GET1: variants seen among roughly 807,000 people sequenced by gnomAD.
GET1 encodes guided entry of tail-anchored proteins factor 1, also known as congenital heart disease 5 protein.
In GET1, 20 loss-of-function variants were observed where a neutral mutation model predicts 22.6. That is an observed-to-expected ratio of 0.89 (90% CI 0.62 to 1.29). The LOEUF (loss-of-function observed/expected upper bound fraction) is 1.29, where lower values mean the gene tolerates loss of function less well. GET1 is among the 50% of genes most tolerant of loss of function. The pLI is 0.00. For missense variants in GET1, 209 were observed against 219.9 expected (o/e 0.95, Z 0.31); for synonymous variants, 92 against 83.8 (o/e 1.10, Z -0.53).
chr21:39,404,125 T>C (rs2038925440), intron 4 of GET1, among the ~76,000 whole-genome samples: 1 of 152,222 alleles, frequency 6.6e-6, no homozygotes, highest in South Asian at 2.1e-4. Flanking sequence ...GTCTAGATTA[T>C]AAACAAGTTG....
chr21:39,411,979 C>T (rs1308946640), intron 1 of GET1, among the ~76,000 whole-genome samples: 1 of 152,176 alleles, frequency 6.6e-6, no homozygotes, highest in African/African-American at 2.4e-5. Context: ...AGTACTAGCT[C>T]TTTAAACAAA....
chr21:39,383,355 C>A (rs762375106), intron 1 of GET1, among the ~76,000 whole-genome samples: 62 of 151,970 alleles, frequency 4.1e-4, no homozygotes, highest in Non-Finnish European at 7.8e-4. Context: ...AATCTCAGCT[C>A]ACTGCAACCT....
intron 1 of GET1, chr21:39,421,469 A>T (rs2073760923): frequency 6.6e-6 from 1 of 152,274 alleles, no homozygotes; most frequent in South Asian, 2.1e-4. Context: ...ACTGAATGTT[A>T]TAAAAGGGAC....
intron 1 of GET1, among the ~76,000 whole-genome samples, chr21:39,412,139 T>C (rs766377993): frequency 2.6e-5 from 4 of 152,214 alleles, no homozygotes; most frequent in African/African-American, 4.8e-5. Context: ...ATGTTGTGAT[T>C]TCATTTAAAT....
At chr21:39,393,970 A>G (rs188215282) in intron 4 of GET1, among the ~76,000 whole-genome samples, 1 of 152,278 alleles carries the variant, frequency 6.6e-6, no homozygotes, top group East Asian at 1.9e-4. Flanking sequence ...ATTTTTGAAG[A>G]TAAATTTTTT....
At chr21:39,420,587 A>T in intron 1 of GET1, 1 of 695,180 alleles carries the variant, frequency 1.4e-6, no homozygotes, top group Non-Finnish European at 2.3e-6. Flanking sequence ...TACAAAGGGT[A>T]GAGGAGCCTT....
At chr21:39,410,999 A>G (rs540717430), downstream of GET1, 2 of 463,672 alleles carry the variant, frequency 4.3e-6, no homozygotes, top group African/African-American at 4.0e-5. Flanking sequence ...GGGGGAAAGC[A>G]GTGCACGTGC....
chr21:39,419,617 A>T (rs772819290), intron 1 of GET1, among the ~76,000 whole-genome samples: 2 of 152,258 alleles, frequency 1.3e-5, no homozygotes, highest in Non-Finnish European at 1.5e-5. Flanking sequence ...CCATAGTGAT[A>T]CTTTTACGAC....
At chr21:39,406,157 T>TAA (rs1272939641) in exon 5 of GET1, 1 of 1,614,262 alleles carries the variant, frequency 6.2e-7, no homozygotes, top group Non-Finnish European at 8.5e-7. Context: ...CTGGAAGACT[T>TAA]ACCAAATGAG....
intron 1 of GET1, among the ~76,000 whole-genome samples, chr21:39,383,516 C>T (rs1055767367): frequency 2.7e-5 from 4 of 146,988 alleles, no homozygotes; most frequent in Admixed American, 6.8e-5. Flanking sequence ...TCCTGATCTC[C>T]GGTGATCTGC....
chr21:39,426,233 T>C (rs146996294), intron 1 of GET1, among the ~76,000 whole-genome samples: 1 of 152,248 alleles, frequency 6.6e-6, no homozygotes, highest in Non-Finnish European at 1.5e-5. Flanking sequence ...CCACTTGCAT[T>C]TGAGGGGTAT....
downstream of GET1, among the ~76,000 whole-genome samples, chr21:39,401,415 T>C (rs974455258): frequency 6.6e-6 from 1 of 152,214 alleles, no homozygotes; most frequent in African/African-American, 2.4e-5. Flanking sequence ...ATTTAAAATA[T>C]GTAAATTTTA....
chr21:39,401,808 A>G (rs1282416089), downstream of GET1, among the ~76,000 whole-genome samples: 1 of 152,082 alleles, frequency 6.6e-6, no homozygotes, highest in Non-Finnish European at 1.5e-5. Context: ...ATTATATGTT[A>G]TGGTGGTCTG....
intron 4 of GET1, among the ~76,000 whole-genome samples, chr21:39,404,743 A>T (rs2038949269): frequency 3.0e-5 from 3 of 99,342 alleles, no homozygotes; most frequent in Non-Finnish European, 6.1e-5. Context: ...ACACACTGAG[A>T]CACTGTCAAA....
rs370706408 is a variant in GET1 at position 39,390,266 on chromosome 21, T to C, written c.103-432T>C. 5.3e-5 allele frequency among the ~76,000 whole-genome samples: 8 copies of C among 152,102 alleles called. No individual in the cohort carries two copies. In the East Asian group the frequency reaches 1.4e-3, roughly 26 times the overall value. On this transcript the variant is annotated intron_variant, in intron 1 of 4. Coordinates refer to ENST00000649170, the MANE Select transcript of GET1 (RefSeq NM_004627.6). ...GCTCCAGACTGCCTGGAGATGGGGCTGGCTTGGATTCCAAAGAAAGAAGCA... is the reference window on the plus strand; with the variant it reads ...GCTCCAGACTGCCTGGAGATGGGGCCGGCTTGGATTCCAAAGAAAGAAGCA...
exon 5 of GET1, chr21:39,406,177 C>T: frequency 8.7e-6 from 14 of 1,614,210 alleles, no homozygotes; most frequent in Non-Finnish European, 1.1e-5. Context: ...GGGCTCATAC[C>T]CACTGTCAGA....
At chr21:39,417,559 C>T (rs1213305806) in intron 1 of GET1, among the ~76,000 whole-genome samples, 1 of 151,990 alleles carries the variant, frequency 6.6e-6, no homozygotes, top group South Asian at 2.1e-4. Flanking sequence ...TTGTATTAGT[C>T]CTTTTTCAGG....
At chr21:39,391,957 T>C (rs1045639431) in intron 3 of GET1, 121 bp downstream of exon 3, 3 of 908,930 alleles carry the variant, frequency 3.3e-6, no homozygotes, top group Non-Finnish European at 5.4e-6. Flanking sequence ...GTGTCGTGTG[T>C]CCCTGCCCAC....
chr21:39,400,048 T>C (rs1194742242), downstream of GET1, among the ~76,000 whole-genome samples: 1 of 152,106 alleles, frequency 6.6e-6, no homozygotes, highest in Non-Finnish European at 1.5e-5. Context: ...TCATTTTATG[T>C]GCTGTTGCCA....
Sources: allele counts gnomAD v4.1 joint callset (sites outside exome capture counted in the v4.1 genomes callset), GRCh38; gene constraint gnomAD v4.1.1; transcripts MANE v1.5; gene names NCBI Gene and HGNC (gene_info 2026-07-23, HGNC 2026-07-21).